The following DGKB variants were observed in gnomAD, a reference collection of about 807,000 sequenced individuals.
The protein encoded by DGKB is diacylglycerol kinase beta.
A neutral mutation model predicts 114.3 loss-of-function variants in DGKB; 67 were observed. The ratio of observed to expected loss-of-function variants is 0.59; its 90% confidence interval spans 0.48 to 0.72. The LOEUF is 0.72. Among genes scored for constraint, DGKB ranks in the 30% least tolerant of loss-of-function variants. The probability of loss-of-function intolerance (pLI) is 0.00; values close to 1 mark genes in which losing one functional copy is unlikely to be tolerated. For missense variants in DGKB, 907 were observed against 975.2 expected, an observed-to-expected ratio of 0.93 and a Z score of 0.93; for synonymous variants, 398 against 323.1, an observed-to-expected ratio of 1.23 and a Z score of -2.49.
intron 23 of DGKB, among the ~76,000 whole-genome samples, chr7:14,201,957 G>C (rs1167004962): frequency 1.3e-5 from 2 of 151,934 alleles, no homozygotes; most frequent in East Asian, 3.9e-4. Flanking sequence ...TCTTCTATAA[G>C]AGGCTCCAAT....
intron 23 of DGKB, among the ~76,000 whole-genome samples, chr7:14,247,147 T>C (rs1794601886): frequency 6.6e-6 from 1 of 152,176 alleles, no homozygotes; most frequent in African/African-American, 2.4e-5. Flanking sequence ...TACATGTGTA[T>C]TGTCACAAAT....
At chr7:14,913,541 G>T (rs1048284391) in intron 1 of DGKB, among the ~76,000 whole-genome samples, 1 of 150,624 alleles carries the variant, frequency 6.6e-6, no homozygotes, top group African/African-American at 2.4e-5. Flanking sequence ...TGACATTAAG[G>T]ACCTTTAACT....
intron 12 of DGKB, among the ~76,000 whole-genome samples, chr7:14,674,349 C>A (rs1359370630): frequency 1.3e-5 from 2 of 152,092 alleles, no homozygotes; most frequent in African/African-American, 2.4e-5. Flanking sequence ...GCTGAATGCA[C>A]AATAGAACTA....
chr7:14,164,012 C>CA (rs11288441), intron 25 of DGKB, among the ~76,000 whole-genome samples: 11,894 of 146,304 alleles, frequency 0.081, 515 homozygotes, highest in East Asian at 0.13. Flanking sequence ...AAAAAACAAA[C>CA]AAAAAAAAAA....
At chr7:14,500,027 G>A (rs1584410078) in intron 20 of DGKB, among the ~76,000 whole-genome samples, 1 of 151,734 alleles carries the variant, frequency 6.6e-6, no homozygotes, top group Non-Finnish European at 1.5e-5. Flanking sequence ...ACCTAAACAG[G>A]TTATTTTCCC....
chr7:14,962,082 A>T (rs181026939), intron 1 of DGKB, among the ~76,000 whole-genome samples: 22 of 152,272 alleles, frequency 1.4e-4, no homozygotes, highest in Admixed American at 1.2e-3. Context: ...CTAAAACTTT[A>T]AAAAAATTGT....
At chr7:14,937,797 C>A (rs1217758197) in intron 1 of DGKB, among the ~76,000 whole-genome samples, 1 of 152,106 alleles carries the variant, frequency 6.6e-6, no homozygotes, top group African/African-American at 2.4e-5. Context: ...TCCTCTTCAG[C>A]CTACTCATTG....
intron 13 of DGKB, among the ~76,000 whole-genome samples, chr7:14,653,989 T>C (rs7793350): frequency 0.78 from 117,943 of 151,942 alleles, 46,050 homozygotes; most frequent in African/African-American, 0.85. Flanking sequence ...CAAGTATGCC[T>C]ACTTTTACCA....
intron 2 of DGKB, among the ~76,000 whole-genome samples, chr7:14,782,053 C>G (rs1227171352): frequency 6.6e-6 from 1 of 152,072 alleles, no homozygotes; most frequent in Non-Finnish European, 1.5e-5. Context: ...GAGACAGAAT[C>G]TTGTTGTCTC....
chr7:14,601,972 C>T (rs1803629395), intron 17 of DGKB, among the ~76,000 whole-genome samples: 1 of 151,770 alleles, frequency 6.6e-6, no homozygotes. Flanking sequence ...CCTCCTCTTC[C>T]TCCTCCTCTT....
At chr7:14,946,951 T>C (rs1785915970) in intron 1 of DGKB, among the ~76,000 whole-genome samples, 1 of 151,776 alleles carries the variant, frequency 6.6e-6, no homozygotes, top group Non-Finnish European at 1.5e-5. Flanking sequence ...AAATAGTTTA[T>C]TTATAACAAT....
chr7:14,812,604 T>C (rs532116702), intron 2 of DGKB, among the ~76,000 whole-genome samples: 44 of 152,304 alleles, frequency 2.9e-4, no homozygotes, highest in African/African-American at 7.7e-4. Context: ...AAAATGTCTC[T>C]AGAATATTCT....
chr7:14,378,606 A>T (rs1818873294), intron 21 of DGKB, among the ~76,000 whole-genome samples: 1 of 152,200 alleles, frequency 6.6e-6, no homozygotes, highest in African/African-American at 2.4e-5. Context: ...AGAGGATAGA[A>T]AATGATCCAA....
chr7:14,669,912 C>T (rs1414436911), intron 13 of DGKB, among the ~76,000 whole-genome samples: 2 of 152,086 alleles, frequency 1.3e-5, no homozygotes, highest in African/African-American at 4.8e-5. Flanking sequence ...TCTCCTTTAA[C>T]TCTTTACCCA....
intron 21 of DGKB, among the ~76,000 whole-genome samples, chr7:14,462,883 C>G (rs1014912771): frequency 9.9e-5 from 15 of 152,084 alleles, no homozygotes; most frequent in African/African-American, 3.1e-4. Flanking sequence ...GGTACTGGTA[C>G]CAAAACAGAT....
In DGKB at chr7:14,450,684, T is replaced by C. The variant is rs181759934; in HGVS notation, c.1835+27477A>G. Among the ~76,000 whole-genome samples, 16 of 152,228 alleles carry C rather than the reference T, an allele frequency of 1.1e-4. No homozygotes were observed. The East Asian group carries it at 1.9e-3, about 18-fold the overall frequency. ...ATCCTTCTGTGACTGAGAAGAATGA[T>C]GCCCATTTTCATCATTCTGTGCCAT... On this transcript the variant is annotated intron_variant, in intron 21 of 25. Transcript: ENST00000402815.
chr7:14,266,056 A>G (rs890034329), intron 23 of DGKB, among the ~76,000 whole-genome samples: 5 of 152,212 alleles, frequency 3.3e-5, no homozygotes, highest in East Asian at 1.9e-4. Context: ...TTAGTGCTAC[A>G]TAAAAGGCAA....
At chr7:14,790,425 T>C (rs1021383084) in intron 2 of DGKB, among the ~76,000 whole-genome samples, 4 of 147,282 alleles carry the variant, frequency 2.7e-5, no homozygotes, top group African/African-American at 5.2e-5. Context: ...AACTGTTCAG[T>C]TTTATGTTTT....
intron 24 of DGKB, among the ~76,000 whole-genome samples, chr7:14,177,512 C>T (rs1781944704): frequency 7.6e-6 from 1 of 131,560 alleles, no homozygotes; most frequent in Non-Finnish European, 1.6e-5. Context: ...CAAGATCGTG[C>T]CACTGCACTC....
Sources: allele counts gnomAD v4.1 joint callset (sites outside exome capture counted in the v4.1 genomes callset), GRCh38; gene constraint gnomAD v4.1.1; transcripts MANE v1.5; gene names NCBI Gene and HGNC (gene_info 2026-07-23, HGNC 2026-07-21).